Variants in MED26 observed in about 807,000 individuals in gnomAD.
The protein encoded by MED26 is mediator of RNA polymerase II transcription subunit 26.
Under a neutral mutation model 43.7 loss-of-function variants are expected in MED26, and 7 were observed. The observed-to-expected ratio is 0.16, with a 90% CI of 0.09 to 0.30. The LOEUF is 0.30. Among genes scored for constraint, MED26 ranks in the 10% least tolerant of loss-of-function variants. The pLI is 1.00. For synonymous variants in MED26, 375 were observed against 371.1 expected, an observed-to-expected ratio of 1.01 and a Z score of -0.12; for missense variants, 784 against 840.6, an observed-to-expected ratio of 0.93 and a Z score of 0.83.
chr19:16,597,596 C>T, intron 1 of MED26: 2 of 396,960 alleles, frequency 5.0e-6, no homozygotes, highest in East Asian at 7.1e-5. Context: ...GTCCTGAGTT[C>T]ACCCTCTCTC....
At chr19:16,607,553 A>C (rs1283934187) in intron 1 of MED26, among the ~76,000 whole-genome samples, 1 of 152,158 alleles carries the variant, frequency 6.6e-6, no homozygotes, top group African/African-American at 2.4e-5. Context: ...TGTGAGTTGA[A>C]GGCTTCCCTC....
rs1223616859 is a variant in MED26 at position 16,577,533 on chromosome 19, C to T, written c.297G>A (p.Gly99=). The T allele has an allele frequency of 6.2e-7, 1 of 1,605,170 alleles. No individual in the cohort carries two copies. The highest frequency in any genetic ancestry group is 8.5e-7 in the Non-Finnish European group (1 of 1,175,014). ...QHEAALRGLA[G]ATGSANGGAH... Reference sequence around the variant, plus strand: ...CGCCCCCGTTGGCAGAGCCGGTGGCCCCCGCCAGCCCCCGCAGCGCCGCCT... The same window carrying T: ...CGCCCCCGTTGGCAGAGCCGGTGGCTCCCGCCAGCCCCCGCAGCGCCGCCT... The change falls in exon 3 of 3, where the codon GGG becomes GGA. Residue 99 remains glycine, a synonymous_variant. Transcript: ENST00000263390. This position sits in a 1 kb window ranked among gnomAD's most constrained non-coding sequence, Gnocchi z 8.1.
intron 1 of MED26, among the ~76,000 whole-genome samples, chr19:16,618,915 G>A (rs1446429842): frequency 3.9e-5 from 6 of 152,126 alleles, no homozygotes; most frequent in African/African-American, 1.4e-4. Context: ...AAACTGCTGG[G>A]ATGGAGAGGA....
chr19:16,582,786 G>T (rs2086052286), intron 1 of MED26, among the ~76,000 whole-genome samples: 1 of 152,222 alleles, frequency 6.6e-6, no homozygotes, highest in Non-Finnish European at 1.5e-5. Flanking sequence ...GCTGGAGACC[G>T]ACTTCCATGC....
chr19:16,611,534 T>G (rs1212921965), intron 1 of MED26: 1 of 152,158 alleles, frequency 6.6e-6, no homozygotes, highest in Non-Finnish European at 1.5e-5. Context: ...ATTTTCATTT[T>G]TTTACAGTTT....
chr19:16,615,399 A>G (rs1245711415), intron 1 of MED26, among the ~76,000 whole-genome samples: 2 of 152,206 alleles, frequency 1.3e-5, no homozygotes. Context: ...GGGAAAAGTC[A>G]GCTCAAATGG....
At chr19:16,589,779 G>C (rs2086087615) in intron 1 of MED26, among the ~76,000 whole-genome samples, 1 of 152,218 alleles carries the variant, frequency 6.6e-6, no homozygotes, top group Non-Finnish European at 1.5e-5. Flanking sequence ...TACAAAGGTT[G>C]TTAAAAATAA....
At chr19:16,584,610 C>T (rs1386102608) in intron 1 of MED26, among the ~76,000 whole-genome samples, 3 of 152,232 alleles carry the variant, frequency 2.0e-5, no homozygotes, top group Non-Finnish European at 2.9e-5. Flanking sequence ...TGCGACTTCA[C>T]AGCACACCAC....
chr19:16,624,448 G>C (rs2086264715), intron 1 of MED26: 1 of 152,240 alleles, frequency 6.6e-6, no homozygotes, highest in African/African-American at 2.4e-5. Context: ...CACGCGGCCA[G>C]GGCTAGTTCA....
chr19:16,603,506 C>T (rs778929789), intron 1 of MED26, among the ~76,000 whole-genome samples: 10 of 152,142 alleles, frequency 6.6e-5, no homozygotes, highest in Non-Finnish European at 1.3e-4. Context: ...TTCTTAACTT[C>T]CCACACTATG....
At position 16,577,225 on chromosome 19, in the gene MED26, G is replaced by C; in HGVS notation, c.605C>G (p.Ala202Gly). Reference sequence around the variant, plus strand: ...CTCCAGGCGGCTGCCCTCTGGGCCTGCATGCCCACTGCCATCCAGGGAGCT... The same window carrying C: ...CTCCAGGCGGCTGCCCTCTGGGCCTCCATGCCCACTGCCATCCAGGGAGCT... Reference protein sequence around the residue: ...FASSLDGSGHAGPEGSRLERD... With the variant: ...FASSLDGSGHGGPEGSRLERD... Residue 202 changes from alanine to glycine, a missense_variant, in exon 3 of 3, where the codon GCA becomes GGA. Physicochemically the swap from Ala to Gly is moderately conservative, Grantham distance 60. Transcript: ENST00000263390. This position sits in a 1 kb window ranked among gnomAD's most constrained non-coding sequence, Gnocchi z 8.1. The C allele has an allele frequency of 1.2e-6, 2 of 1,613,192 alleles. No individual in the cohort carries two copies. The highest frequency in any genetic ancestry group is 1.7e-6 in the Non-Finnish European group (2 of 1,179,926).
At position 16,577,347 on chromosome 19, in the gene MED26, CGGCCCTGGGTGGCCG is replaced by C. The variant is rs1568278939; in HGVS notation, c.468_482del (p.Gly157_Pro161del). 2 of 1,611,698 alleles carry C rather than the reference CGGCCCTGGGTGGCCG, an allele frequency of 1.2e-6. No individual in the cohort carries two copies. The highest frequency in any genetic ancestry group is 4.5e-5 in the East Asian group (2 of 44,834). ...GGCTAGCTTTGGAGACCTTGGGTGG[CGGCCCTGGGTGGCCG>C]AGGTCACGCTGGTCACCCCGGCGCT... On this transcript the variant is annotated inframe_deletion, in exon 3 of 3. Coordinates refer to ENST00000263390, the MANE Select transcript of MED26 (RefSeq NM_004831.5). This position sits in a 1 kb window ranked among gnomAD's most constrained non-coding sequence, Gnocchi z 8.1.
chr19:16,587,163 A>G lies in MED26; in HGVS notation c.73-8754T>C, dbSNP rs1419529901. 6.6e-6 allele frequency: 1 copy of G among 151,892 alleles called. No individual in the cohort carries two copies. The highest frequency in any genetic ancestry group is 1.5e-5 in the Non-Finnish European group (1 of 67,966). The allele number at this position is 151,892 out of a possible 1,614,324, so 9.4% of individuals were successfully genotyped here. A position where few individuals can be genotyped will look rare whatever the true frequency, so the allele number is the denominator to read the frequency against. Reference sequence around the variant, plus strand: ...GTGTCTGCTGAGGACACACGGGTGAATCAAACAGGGCTTTGCTGGGAGAGT... The same window carrying G: ...GTGTCTGCTGAGGACACACGGGTGAGTCAAACAGGGCTTTGCTGGGAGAGT... On this transcript the variant is annotated intron_variant, in intron 1 of 2. Coordinates refer to ENST00000263390, the MANE Select transcript of MED26 (RefSeq NM_004831.5). This position sits in a 1 kb window ranked among gnomAD's most constrained non-coding sequence, Gnocchi z 4.9.
At chr19:16,596,586 T>C (rs1362080934) in intron 1 of MED26, among the ~76,000 whole-genome samples, 1 of 152,220 alleles carries the variant, frequency 6.6e-6, no homozygotes, top group East Asian at 1.9e-4. Context: ...AATGCCATTG[T>C]TGCTCTACCT....
chr19:16,627,830 G>T, intron 1 of MED26, 42 bp downstream of exon 1: 1 of 1,425,030 alleles, frequency 7.0e-7, no homozygotes, highest in Non-Finnish European at 9.4e-7. Flanking sequence ...AGGGTCCCGG[G>T]CCCATGCGGC....
intron 1 of MED26, among the ~76,000 whole-genome samples, chr19:16,620,432 C>T (rs139325001): frequency 3.3e-5 from 5 of 152,158 alleles, no homozygotes; most frequent in African/African-American, 7.2e-5. Context: ...TGCTGAAAAC[C>T]GCTGGCACCT....
At chr19:16,621,441 G>A (rs1017116387) in intron 1 of MED26, among the ~76,000 whole-genome samples, 4 of 152,184 alleles carry the variant, frequency 2.6e-5, no homozygotes, top group Non-Finnish European at 5.9e-5. Flanking sequence ...CTGCATGCAG[G>A]GGAAACCTGA....
At chr19:16,594,378 C>T (rs545896776) in intron 1 of MED26, among the ~76,000 whole-genome samples, 31 of 152,346 alleles carry the variant, frequency 2.0e-4, no homozygotes, top group Admixed American at 6.5e-5. Flanking sequence ...TGGGGTGGAG[C>T]GGATCTCACC....
intron 1 of MED26, among the ~76,000 whole-genome samples, chr19:16,604,043 A>G (rs2086161658): frequency 3.3e-5 from 5 of 152,256 alleles, no homozygotes; most frequent in Admixed American, 1.3e-4. Flanking sequence ...ATTCACATGA[A>G]TATCTGCAAA....
Sources: allele counts gnomAD v4.1 joint callset (sites outside exome capture counted in the v4.1 genomes callset), GRCh38; gene constraint gnomAD v4.1.1; non-coding constraint Gnocchi (gnomAD v3.1); transcripts MANE v1.5; gene names NCBI Gene and HGNC (gene_info 2026-07-23, HGNC 2026-07-21).